Variants in PRPF18 observed in about 807,000 individuals in gnomAD.
PRPF18 encodes the protein pre-mRNA-splicing factor 18.
A neutral mutation model predicts 46.5 loss-of-function variants in PRPF18; 38 were observed. That is an observed-to-expected ratio of 0.82 (90% CI 0.63 to 1.07). The LOEUF (loss-of-function observed/expected upper bound fraction) is 1.07. Ranked by LOEUF, PRPF18 falls within the 50% of genes least tolerant of loss-of-function variation. The probability of loss-of-function intolerance (pLI) is 0.00; values close to 1 mark genes in which losing one functional copy is unlikely to be tolerated. For synonymous variants in PRPF18, 152 were observed against 146.7 expected (o/e 1.04, Z -0.26); for missense variants, 263 against 410.0 (o/e 0.64, Z 3.10).
chr10:13,613,249 G>C (rs11258472), intron 6 of PRPF18, among the ~76,000 whole-genome samples: 1 of 151,882 alleles, frequency 6.6e-6, no homozygotes, highest in African/African-American at 2.4e-5. Flanking sequence ...TTATCTAGGG[G>C]TGGGGGTGGA....
At chr10:13,613,397 G>A (rs1448495458) in intron 6 of PRPF18, among the ~76,000 whole-genome samples, 4 of 151,342 alleles carry the variant, frequency 2.6e-5, no homozygotes, top group East Asian at 2.0e-4. Context: ...CTTGTAACTC[G>A]TAACTTGTTG....
intron 9 of PRPF18, among the ~76,000 whole-genome samples, chr10:13,629,509 A>G (rs2080561892): frequency 6.6e-6 from 1 of 152,234 alleles, no homozygotes; most frequent in South Asian, 2.1e-4. Context: ...TTGTCCTTCC[A>G]TACTCCAGAA....
intron 3 of PRPF18, among the ~76,000 whole-genome samples, chr10:13,603,294 AGGTGGTGGTGGTGGT>A (rs954409309): frequency 2.1e-5 from 3 of 142,022 alleles, no homozygotes; most frequent in Non-Finnish European, 4.6e-5. Context: ...TTTTTGGGGG[AGGTGGTGGTGGTGGT>A]GGTGGTGGTG....
intron 9 of PRPF18, among the ~76,000 whole-genome samples, chr10:13,627,932 C>T (rs2080533623): frequency 6.6e-6 from 1 of 152,194 alleles, no homozygotes; most frequent in African/African-American, 2.4e-5. Context: ...TCAGGGTGTT[C>T]TCTTGCCTGA....
At position 13,605,613 on chromosome 10, in the gene PRPF18, A is replaced by G. The variant is rs771799018; in HGVS notation, c.250-18A>G. The G allele has an allele frequency of 1.5e-5, 22 of 1,486,730 alleles. No individual in the cohort carries two copies. The highest frequency in any genetic ancestry group is 1.9e-5 in the Non-Finnish European group (21 of 1,100,310). The allele number at this position is 1,486,730 out of a possible 1,614,324, so 92.1% of individuals were successfully genotyped here. A position where few individuals can be genotyped will look rare whatever the true frequency, so the allele number is the denominator to read the frequency against. ...AAAAAAAAAAAAAAATTTACTGGGT[A>G]TCTGTTTCACTTTGTAGGTCATCAG... On this transcript the variant is annotated intron_variant, in intron 3 of 9. Transcript: ENST00000378572.
intron 1 of PRPF18, chr10:13,591,925 A>T (rs878980910): frequency 6.6e-4 from 657 of 994,614 alleles, no homozygotes; most frequent in Non-Finnish European, 8.4e-4. Context: ...GTGTCAACTG[A>T]GGGTTTTTTT....
At chr10:13,628,113 G>T (rs548115938) in intron 9 of PRPF18, among the ~76,000 whole-genome samples, 1 of 152,278 alleles carries the variant, frequency 6.6e-6, no homozygotes, top group Admixed American at 6.5e-5. Context: ...GCAAATACCT[G>T]ATTACACAGG....
the PRPF18 span, chr10:13,644,809 A>T: frequency 6.6e-6 from 1 of 152,210 alleles, no homozygotes; most frequent in Admixed American, 6.5e-5. Flanking sequence ...AAAAAAAAAA[A>T]TCACTGTTCT....
intron 6 of PRPF18, among the ~76,000 whole-genome samples, chr10:13,612,133 G>C (rs990618529): frequency 2.0e-5 from 3 of 152,044 alleles, no homozygotes; most frequent in African/African-American, 7.2e-5. Context: ...ACCCACCTCA[G>C]CCTCCCAAAG....
At position 13,587,061 on chromosome 10, in the gene PRPF18, A is replaced by G. The variant is rs746794249; in HGVS notation, c.-26A>G. The stretch of plus-strand genomic sequence containing the variant: ...TGGGTTCGAGGAGCTGGAGCGGGAA[A>G]CTGGAGCTTAAATTCTGGCGGCGAG... On this transcript the variant is annotated 5_prime_UTR_variant, in exon 1 of 10. Transcript: ENST00000378572. 3.1e-6 allele frequency: 5 copies of G among 1,612,258 alleles called. No homozygotes were observed. Among genetic ancestry groups the G allele is most frequent in the African/African-American group, 2.7e-5 (2 of 74,882 alleles).
At chr10:13,632,392 A>G (rs1448851541), downstream of PRPF18, among the ~76,000 whole-genome samples, 3 of 152,292 alleles carry the variant, frequency 2.0e-5, no homozygotes, top group Non-Finnish European at 1.5e-5. Flanking sequence ...TTACCAGCGC[A>G]AGTGAGAGAC....
At chr10:13,594,510 C>T (rs752650875) in intron 1 of PRPF18, among the ~76,000 whole-genome samples, 1 of 152,120 alleles carries the variant, frequency 6.6e-6, no homozygotes, top group African/African-American at 2.4e-5. Context: ...TACATTAAAG[C>T]CTGTTCTATT....
At position 13,630,362 on chromosome 10, in the gene PRPF18, T is replaced by C. The variant is rs557694909; in HGVS notation, c.*22T>C. On this transcript the variant is annotated 3_prime_UTR_variant, in exon 10 of 10. Transcript: ENST00000378572. ...GTGAGATCTGTGTATGGTGTGTTAA[T>C]AACAATAAGAAACTTAGGGAAGCAG... The C allele has an allele frequency of 3.7e-5, 58 of 1,566,532 alleles. No individual in the cohort carries two copies. The East Asian group carries it at 1.1e-3, about 31-fold the overall frequency.
At chr10:13,597,948 G>T (rs555668602) in intron 2 of PRPF18, among the ~76,000 whole-genome samples, 1 of 152,016 alleles carries the variant, frequency 6.6e-6, no homozygotes, top group African/African-American at 2.4e-5. Context: ...ATTAGTGGTG[G>T]TAATTTTCCT....
chr10:13,617,024 A>T (rs748623654), intron 9 of PRPF18, among the ~76,000 whole-genome samples: 1 of 152,204 alleles, frequency 6.6e-6, no homozygotes, highest in Non-Finnish European at 1.5e-5. Context: ...ACACTTCTTT[A>T]GTCATGTGAA....
chr10:13,623,943 T>A (rs1454638462), intron 9 of PRPF18, among the ~76,000 whole-genome samples: 2 of 152,184 alleles, frequency 1.3e-5, no homozygotes, highest in Admixed American at 6.5e-5. Context: ...AACATAAAAT[T>A]TACCATCTTA....
chr10:13,588,468 T>C (rs1250042532), intron 1 of PRPF18, among the ~76,000 whole-genome samples: 3 of 151,532 alleles, frequency 2.0e-5, no homozygotes, highest in Non-Finnish European at 4.4e-5. Context: ...TCCCGGCTGC[T>C]TGGGAGACCA....
rs1322356712 is a variant in PRPF18, at chr10:13,597,755, C to CT, written c.144+225dup. The CT allele has an allele frequency of 1.0e-5, 12 of 1,203,410 alleles. No homozygotes were observed. In the African/African-American group the frequency reaches 1.1e-4, roughly 11 times the overall value. The allele number at this position is 1,203,410 out of a possible 1,614,324, so 74.5% of individuals were successfully genotyped here. ...TGACTTTTGGCTTGGAATGGTTTGGCTTTTTGTGGACGGCATGAAGTGGCT... is the reference window on the plus strand; with the variant it reads ...TGACTTTTGGCTTGGAATGGTTTGGCTTTTTTGTGGACGGCATGAAGTGGCT... On this transcript the variant is annotated intron_variant, in intron 2 of 9. Coordinates refer to ENST00000378572, the MANE Select transcript of PRPF18 (RefSeq NM_003675.4).
At chr10:13,640,298 A>G in the PRPF18 span, 2 of 151,946 alleles carry the variant, frequency 1.3e-5, no homozygotes, top group Non-Finnish European at 2.9e-5. Context: ...ATCTGTTGAC[A>G]GTTGTTTGTT....
Sources: gnomAD v4.1 joint callset for allele counts (sites outside exome capture counted in the v4.1 genomes callset) on GRCh38, gnomAD v4.1.1 for gene constraint, MANE v1.5 for transcripts, NCBI Gene and HGNC (gene_info 2026-07-23, HGNC 2026-07-21) for gene names.